KMT5B: variants seen among roughly 807,000 people sequenced by gnomAD.
KMT5B encodes lysine methyltransferase 5B, also known as histone-lysine N-methyltransferase KMT5B.
A neutral mutation model predicts 83.2 loss-of-function variants in KMT5B; 10 were observed. That is an observed-to-expected ratio of 0.12 (90% CI 0.07 to 0.20). The LOEUF is 0.20. KMT5B is among the 10% of genes least tolerant of loss of function. KMT5B has a pLI of 1.00. For missense variants in KMT5B, 753 were observed against 1,067.2 expected, an observed-to-expected ratio of 0.71 and a Z score of 4.10; for synonymous variants, 349 against 388.8, an observed-to-expected ratio of 0.90 and a Z score of 1.20.
rs185204835 is a variant in KMT5B at position 68,158,936 on chromosome 11, G to T, written c.1410C>A (p.Leu470=). The T allele has an allele frequency of 1.2e-5, 20 of 1,613,554 alleles. No individual in the cohort carries two copies. The highest frequency in any genetic ancestry group is 6.8e-6 in the Non-Finnish European group (8 of 1,179,948). The part of the protein sequence containing the change: ...RLEQKNASRK[L]EMGNLVLKEP... ...CTTTCAGTACTAAGTTTCCCATTTC[G>T]AGTTTTCTTGAAGCATTCTTTTGCT... The change falls in exon 11 of 11, where the codon CTC becomes CTA. Residue 470 remains leucine (L), a synonymous_variant. Coordinates refer to ENST00000304363, the MANE Select transcript of KMT5B (RefSeq NM_017635.5).
rs1855862438 is a variant in KMT5B at position 68,171,827 on chromosome 11, TTTAG to T, written c.654-122_654-119del. 4 of 822,556 alleles carry T rather than the reference TTTAG, an allele frequency of 4.9e-6. No individual in the cohort carries two copies. The South Asian group carries it at 7.6e-5, about 16-fold the overall frequency. The allele number at this position is 822,556 out of a possible 1,614,324, so 51.0% of individuals were successfully genotyped here. ...ACTGAAAAGGCCTAGCTGTCTATAC[TTTAG>T]TTAGCTCACTGGGATCCCCACCTGG... is the stretch of plus-strand genomic sequence containing the variant. On this transcript the variant is annotated intron_variant, in intron 6 of 10. Coordinates refer to ENST00000304363, the MANE Select transcript of KMT5B (RefSeq NM_017635.5). The surrounding 1 kb of genome is among the most constrained non-coding windows in gnomAD (Gnocchi z 5.1).
intron 1 of KMT5B, among the ~76,000 whole-genome samples, chr11:68,201,088 G>C (rs1399530803): frequency 6.6e-6 from 1 of 152,112 alleles, no homozygotes; most frequent in Admixed American, 6.6e-5. Flanking sequence ...TGTATTTAAA[G>C]GGGAAAAGAT....
At chr11:68,182,181 G>C (rs1856997477) in intron 3 of KMT5B, among the ~76,000 whole-genome samples, 1 of 152,160 alleles carries the variant, frequency 6.6e-6, no homozygotes, top group Non-Finnish European at 1.5e-5. Context: ...TAATCCTGAA[G>C]TTTACATTTA....
chr11:68,166,090 C>T lies in KMT5B; in HGVS notation c.1174+892G>A, dbSNP rs187333230. 5.5e-3 allele frequency: 8,206 copies of T among 1,488,606 alleles called. 45 individuals carry two copies. Among genetic ancestry groups the T allele is most frequent in the Non-Finnish European group, 6.7e-3 (7,531 of 1,118,914 alleles). The allele number at this position is 1,488,606 out of a possible 1,614,324, so 92.2% of individuals were successfully genotyped here. ...TTAAGTGCCAACAAAGGCATACTTT[C>T]GGAATCGCCAAGTCAAAACTTTCTA... On this transcript the variant is annotated intron_variant, in intron 10 of 10. Transcript: ENST00000304363.
chr11:68,168,758 C>CA (rs1249866244), intron 9 of KMT5B, among the ~76,000 whole-genome samples: 2 of 152,176 alleles, frequency 1.3e-5, no homozygotes, highest in East Asian at 3.8e-4. Context: ...TAGCGCGACT[C>CA]AGTGTCTCTG....
At chr11:68,177,786 C>T (rs1160657857) in intron 4 of KMT5B, among the ~76,000 whole-genome samples, 3 of 152,158 alleles carry the variant, frequency 2.0e-5, no homozygotes, top group African/African-American at 7.2e-5. Flanking sequence ...AGTCTGTCGA[C>T]ATATGGTGTC....
chr11:68,209,868 T>C (rs7947645), intron 1 of KMT5B, among the ~76,000 whole-genome samples: 5,810 of 111,118 alleles, frequency 0.052, 140 homozygotes, highest in Middle Eastern at 0.14. Context: ...TCTTTCCCCC[T>C]TTTTTTTTTT....
Position 68,198,941 on chromosome 11 carries a change from G to C in KMT5B, c.-76-8789C>G, listed in dbSNP as rs572182458. ...AGATGGGGTTTCACCGTGTTAGCCA[G>C]GCTGGTCTCAATCTCCTGACCTTGT... On this transcript the variant is annotated intron_variant, in intron 1 of 10. Coordinates refer to ENST00000304363, the MANE Select transcript of KMT5B (RefSeq NM_017635.5). 2.0e-4 allele frequency among the ~76,000 whole-genome samples: 30 copies of C among 152,338 alleles called. 1 individual carries two copies. In the South Asian group the frequency reaches 6.0e-3, roughly 30 times the overall value.
At chr11:68,210,307 C>T (rs1860738835) in intron 1 of KMT5B, among the ~76,000 whole-genome samples, 1 of 151,968 alleles carries the variant, frequency 6.6e-6, no homozygotes, top group Non-Finnish European at 1.5e-5. Flanking sequence ...TTAACTATCT[C>T]ATAATGACAT....
chr11:68,177,439 ATAAAG>A (rs1856491264), intron 4 of KMT5B, among the ~76,000 whole-genome samples: 1 of 152,332 alleles, frequency 6.6e-6, no homozygotes, highest in African/African-American at 2.4e-5. Flanking sequence ...GGTAGCAATA[ATAAAG>A]TAAAGTACCA....
In KMT5B at chr11:68,190,106, T is replaced by C. The variant is rs368367017; in HGVS notation, c.-30A>G. On this transcript the variant is annotated 5_prime_UTR_variant, in exon 2 of 11. Coordinates refer to ENST00000304363, the MANE Select transcript of KMT5B (RefSeq NM_017635.5). ...ACAGACAGCCTGACCCAGGTGCATT[T>C]AGTCACTCTCTTCAAATAGCTTAGA... The C allele has an allele frequency of 1.9e-6, 3 of 1,606,268 alleles. No homozygotes were observed. The highest frequency in any genetic ancestry group is 2.6e-6 in the Non-Finnish European group (3 of 1,174,326).
At chr11:68,178,014 A>C (rs747118412) in intron 4 of KMT5B, among the ~76,000 whole-genome samples, 2 of 152,240 alleles carry the variant, frequency 1.3e-5, no homozygotes, top group Non-Finnish European at 2.9e-5. Context: ...TGACCTGTCG[A>C]GCAATATGAA....
At chr11:68,180,755 G>T (rs762439530) in intron 3 of KMT5B, among the ~76,000 whole-genome samples, 18 of 152,258 alleles carry the variant, frequency 1.2e-4, no homozygotes, top group Non-Finnish European at 1.9e-4. Context: ...GCCTCAAAAA[G>T]GGGGCATTAC....
intron 9 of KMT5B, 125 bp from the exon 10 acceptor site, chr11:68,167,303 G>A (rs1855401572): frequency 5.3e-6 from 6 of 1,122,180 alleles, no homozygotes; most frequent in Non-Finnish European, 7.3e-6. Context: ...AATCACCACT[G>A]GAAACCGAAG....
At chr11:68,201,014 TG>T (rs1363535236) in intron 1 of KMT5B, among the ~76,000 whole-genome samples, 2 of 151,340 alleles carry the variant, frequency 1.3e-5, no homozygotes, top group African/African-American at 4.9e-5. Flanking sequence ...AATAAGGAGG[TG>T]GGGGGTGAGG....
Position 68,157,810 on chromosome 11 carries a change from C to T in KMT5B, c.2536G>A (p.Glu846Lys), listed in dbSNP as rs774200646. 10 of 1,614,098 alleles carry T rather than the reference C, an allele frequency of 6.2e-6. No individual in the cohort carries two copies. The highest frequency in any genetic ancestry group is 8.5e-6 in the Non-Finnish European group (10 of 1,180,018). The stretch of plus-strand genomic sequence containing the variant: ...GGAGGAAGAGGAATAAAATCGTCTT[C>T]AAAGTCATCATCATAGTCATCCTCC... ...EEEDDYDDDF[E>K]DDFIPLPPAK... The change falls in exon 11 of 11, where the codon GAA (glutamate) becomes AAA (lysine). Residue 846 changes from glutamate to lysine, a missense_variant. Transcript: ENST00000304363.
intron 2 of KMT5B, among the ~76,000 whole-genome samples, chr11:68,188,458 A>G (rs1035291398): frequency 1.3e-5 from 2 of 151,750 alleles, no homozygotes; most frequent in African/African-American, 4.8e-5. Context: ...GATCTTTCCA[A>G]CCACAGCCTC....
chr11:68,191,214 C>T (rs945210039), intron 1 of KMT5B, among the ~76,000 whole-genome samples: 12 of 90,898 alleles, frequency 1.3e-4, no homozygotes, highest in Admixed American at 6.3e-4. Context: ...TGTGTAGAGA[C>T]GAGGTCTCAC....
chr11:68,173,079 T>C (rs187254768), intron 6 of KMT5B, among the ~76,000 whole-genome samples: 167 of 152,278 alleles, frequency 1.1e-3, no homozygotes, highest in African/African-American at 3.2e-3. Flanking sequence ...CTCACTCTAT[T>C]GCCCAGGCTG....
Sources: allele counts gnomAD v4.1 joint callset (sites outside exome capture counted in the v4.1 genomes callset), GRCh38; gene constraint gnomAD v4.1.1; non-coding constraint Gnocchi (gnomAD v3.1); transcripts MANE v1.5; gene names NCBI Gene and HGNC (gene_info 2026-07-23, HGNC 2026-07-21).